STT3A: variants seen among roughly 807,000 people sequenced by gnomAD.
The protein encoded by STT3A is STT3 oligosaccharyltransferase complex catalytic subunit A, also known as dolichyl-diphosphooligosaccharide--protein glycosyltransferase subunit STT3A.
A neutral mutation model predicts 89.2 loss-of-function variants in STT3A; 34 were observed. That is an observed-to-expected ratio of 0.38 (90% confidence interval 0.29 to 0.51). The LOEUF (loss-of-function observed/expected upper bound fraction) is 0.51, where lower values mean the gene tolerates loss of function less well. Ranked by LOEUF, STT3A falls within the 20% of genes least tolerant of loss-of-function variation. The probability of loss-of-function intolerance (pLI) is 0.89; values close to 1 mark genes in which losing one functional copy is unlikely to be tolerated. For synonymous variants in STT3A, 282 were observed against 310.3 expected (o/e 0.91, Z 0.96); for missense variants, 555 against 889.5 (o/e 0.62, Z 4.78).
chr11:125,597,421 C>CAAAA (rs58836204), intron 3 of STT3A, among the ~76,000 whole-genome samples: 2 of 128,340 alleles, frequency 1.6e-5, no homozygotes, highest in Admixed American at 8.1e-5. Context: ...CCCATCTCTA[C>CAAAA]AAAAAAAAAA....
In STT3A at chr11:125,613,482, C is replaced by G. The variant is rs11220160; in HGVS notation, c.1554+305C>G. 0.11 allele frequency among the ~76,000 whole-genome samples: 17,159 copies of G among 152,156 alleles called. 1,486 individuals carry two copies. Among genetic ancestry groups the G allele is most frequent in the African/African-American group, 0.24 (10,058 of 41,494 alleles). ...GTTATAGATAAATAATACATGTTCA[C>G]TTTAGAAAAATCAGAAAATTGAATC... On this transcript the variant is annotated intron_variant, in intron 13 of 17. Coordinates refer to ENST00000392708, the MANE Select transcript of STT3A (RefSeq NM_152713.5). This position sits in a 1 kb window ranked among gnomAD's most constrained non-coding sequence, Gnocchi z 4.2.
chr11:125,618,415 C>T lies in STT3A; in HGVS notation c.1817C>T (p.Thr606Ile), dbSNP rs781099585. 6.2e-6 allele frequency: 10 copies of T among 1,612,834 alleles called. No homozygotes were observed. In the South Asian group the frequency reaches 9.9e-5, roughly 16 times the overall value. ...TGGATGGTCCGGATTGGAGGGAGCA[C>T]AGATACAGGCAAACATATCAAGGAG... ...FLWMVRIGGS[T>I]DTGKHIKEND... Residue 606 changes from threonine to isoleucine, a missense_variant, in exon 16 of 18, where the codon ACA (threonine) becomes ATA (isoleucine). Around this residue, in one of 5 missense-constraint regions of STT3A, gnomAD observed 273 missense variants for 449.8 expected, o/e 0.61. Transcript: ENST00000392708.
At chr11:125,592,327 AC>A (rs1939322255), upstream of STT3A, 3 of 452,030 alleles carry the variant, frequency 6.6e-6, no homozygotes, top group Non-Finnish European at 1.3e-5. Context: ...AACTGTCTGG[AC>A]CAGTCCGCGT....
At chr11:125,596,559 T>C (rs1288061051) in intron 2 of STT3A, among the ~76,000 whole-genome samples, 1 of 152,236 alleles carries the variant, frequency 6.6e-6, no homozygotes, top group Non-Finnish European at 1.5e-5. Flanking sequence ...TTGGGGACCC[T>C]TGGATAACTG....
intron 9 of STT3A, among the ~76,000 whole-genome samples, chr11:125,608,659 G>A (rs533188263): frequency 2.8e-4 from 43 of 152,158 alleles, no homozygotes; most frequent in South Asian, 6.2e-4. Context: ...ATGCAGATGG[G>A]TACAGACATA....
intron 1 of STT3A, among the ~76,000 whole-genome samples, chr11:125,594,546 T>C (rs1043332502): frequency 7.4e-6 from 1 of 134,596 alleles, no homozygotes; most frequent in African/African-American, 2.8e-5. Flanking sequence ...ATGGCACCAC[T>C]GCACTCTAGC....
At chr11:125,607,384 A>T (rs920201586) in intron 8 of STT3A, among the ~76,000 whole-genome samples, 1 of 152,212 alleles carries the variant, frequency 6.6e-6, no homozygotes, top group Non-Finnish European at 1.5e-5. Context: ...GCAGTTTGCT[A>T]ATCACTTGAA....
intron 15 of STT3A, among the ~76,000 whole-genome samples, chr11:125,615,628 G>A (rs531103523): frequency 6.6e-6 from 1 of 152,310 alleles, no homozygotes; most frequent in Admixed American, 6.5e-5. Context: ...ATGTGCATAG[G>A]TTATATACAA....
At chr11:125,599,122 C>T (rs1368552684) in intron 3 of STT3A, among the ~76,000 whole-genome samples, 1 of 152,188 alleles carries the variant, frequency 6.6e-6, no homozygotes, top group Non-Finnish European at 1.5e-5. Context: ...CTAACTTATA[C>T]TTCCTCTCTC....
At chr11:125,598,216 AAAAAAG>A (rs1164849817) in intron 3 of STT3A, among the ~76,000 whole-genome samples, 2 of 152,130 alleles carry the variant, frequency 1.3e-5, no homozygotes, top group Non-Finnish European at 2.9e-5. Flanking sequence ...CATCTCAAAA[AAAAAAG>A]AAAAAGAAAA....
intron 2 of STT3A, 29 bp from the exon 3 acceptor site, chr11:125,597,030 A>G (rs374068836): frequency 1.2e-5 from 20 of 1,613,120 alleles, no homozygotes; most frequent in Admixed American, 3.3e-5. Flanking sequence ...CACATTACCA[A>G]TAAAATATTA....
At chr11:125,610,597 A>T (rs1459565865) in intron 10 of STT3A, 2 of 151,994 alleles carry the variant, frequency 1.3e-5, no homozygotes, top group African/African-American at 4.8e-5. Flanking sequence ...CACATCAGTA[A>T]TGCCAGCACT....
intron 3 of STT3A, among the ~76,000 whole-genome samples, chr11:125,599,984 C>T (rs498667): frequency 0.46 from 68,318 of 150,116 alleles, 16,043 homozygotes; most frequent in Admixed American, 0.56. Context: ...CCACCTCTGC[C>T]TCCCAAAGTG....
chr11:125,594,800 G>C (rs1939439706), intron 1 of STT3A: 1 of 151,990 alleles, frequency 6.6e-6, no homozygotes, highest in Non-Finnish European at 1.5e-5. Context: ...TTTCCCTCTA[G>C]ATTATCATCT....
At position 125,595,926 on chromosome 11, in the gene STT3A, T is replaced by C. The variant is rs765078064; in HGVS notation, c.11T>C (p.Phe4Ser). Reference protein sequence around the residue: MTKFGFLRLSYEKQ... With the variant: MTKSGFLRLSYEKQ... ...CCCATTCATGTCAAGATGACTAAGT[T>C]TGGATTTTTGCGATTGTCCTATGAG... Residue 4 changes from phenylalanine to serine, a missense_variant, in exon 2 of 18, where the codon TTT (phenylalanine) becomes TCT (serine). This residue lies in a region of STT3A where 129 missense variants were observed against 193.2 expected (regional missense o/e 0.67). Transcript: ENST00000392708. 1.2e-6 allele frequency: 2 copies of C among 1,613,486 alleles called. No homozygotes were observed. Among genetic ancestry groups the C allele is most frequent in the South Asian group, 1.1e-5 (1 of 90,916 alleles).
chr11:125,602,495 C>A, intron 4 of STT3A, 71 bp downstream of exon 4: 1 of 1,431,664 alleles, frequency 7.0e-7, no homozygotes, highest in East Asian at 2.5e-5. Context: ...GAACCAGTTT[C>A]TTTTATTTCT....
rs918839843 is a variant in STT3A at position 125,622,956 on chromosome 11, A to T, written c.*2146A>T. 6.6e-6 allele frequency: 1 copy of T among 152,012 alleles called. No homozygotes were observed. The highest frequency in any genetic ancestry group is 1.9e-4 in the East Asian group (1 of 5,140). 9.4% of individuals were successfully genotyped at this position (152,012 alleles called of 1,614,324 possible). On this transcript the variant is annotated 3_prime_UTR_variant, in exon 18 of 18. Coordinates refer to ENST00000392708, the MANE Select transcript of STT3A (RefSeq NM_152713.5). ...GCTGGGTGTGGGGTACACACCCTGTAATCTCAGCTACTGGGGAGGCTGAGG... is the reference window on the plus strand; with the variant it reads ...GCTGGGTGTGGGGTACACACCCTGTTATCTCAGCTACTGGGGAGGCTGAGG...
intron 16 of STT3A, 42 bp downstream of exon 16, chr11:125,618,603 G>A: frequency 6.5e-7 from 1 of 1,546,632 alleles, no homozygotes; most frequent in Non-Finnish European, 8.8e-7. Context: ...AGTAATAATA[G>A]TGATTACTAA....
In STT3A at chr11:125,605,497, A is replaced by G. The variant is rs565308718; in HGVS notation, c.509-132A>G. ...TCTTCTTACATGAAACTGAAACAAA[A>G]GGAAGTAAATAATTTGCCTAAAATT... On this transcript the variant is annotated intron_variant, in intron 6 of 17. Transcript: ENST00000392708. The G allele has an allele frequency of 4.7e-4, 274 of 578,186 alleles. 2 individuals are homozygous for G. The South Asian group carries it at 6.3e-3, about 13-fold the overall frequency. 35.8% of individuals were successfully genotyped at this position (578,186 alleles called of 1,614,324 possible).
Sources: allele counts gnomAD v4.1 joint callset (sites outside exome capture counted in the v4.1 genomes callset), GRCh38; gene constraint gnomAD v4.1.1; regional missense constraint gnomAD v4.1.1; non-coding constraint Gnocchi (gnomAD v3.1); transcripts MANE v1.5; gene names NCBI Gene and HGNC (gene_info 2026-07-23, HGNC 2026-07-21).